RB1: variants seen among roughly 807,000 people sequenced by gnomAD.
RB1 encodes RB transcriptional corepressor 1.
In RB1, 18 loss-of-function variants were observed where a neutral mutation model predicts 135.4. That is an observed-to-expected ratio of 0.13 (90% CI 0.09 to 0.20). The LOEUF is 0.20. RB1 is among the 10% of genes least tolerant of loss of function. The pLI is 1.00. For missense variants in RB1, 868 were observed against 1,110.0 expected (o/e 0.78, Z 3.10); for synonymous variants, 365 against 373.2 (o/e 0.98, Z 0.25).
At chr13:48,367,690 C>A in intron 10 of RB1, 87 bp downstream of exon 10, 1 of 1,428,868 alleles carries the variant, frequency 7.0e-7, no homozygotes, top group Non-Finnish European at 9.5e-7. Flanking sequence ...AGCTTAGTGA[C>A]CTTTAGATAT....
At chr13:48,416,959 C>A (rs953458269) in intron 17 of RB1, among the ~76,000 whole-genome samples, 1 of 152,196 alleles carries the variant, frequency 6.6e-6, no homozygotes, top group Non-Finnish European at 1.5e-5. Context: ...TGGGACAGAG[C>A]ACCTGGGGGA....
intron 17 of RB1, among the ~76,000 whole-genome samples, chr13:48,386,306 C>T (rs1948571364): frequency 6.6e-6 from 1 of 151,870 alleles, no homozygotes; most frequent in South Asian, 2.1e-4. Context: ...GGTGGTATAG[C>T]CTGCTACACA....
chr13:48,342,602 G>C lies in RB1; in HGVS notation c.268G>C (p.Gly90Arg), dbSNP rs751925851. 6.4e-7 allele frequency: 1 copy of C among 1,573,222 alleles called. No homozygotes were observed. The highest frequency in any genetic ancestry group is 1.1e-5 in the South Asian group (1 of 90,218). ...KVSSVDGVLG[G>R]YIQKKKELWG... Reference sequence around the variant, plus strand: ...GATCTTTATTTTTTGTTCCCAGGGAGGTTATATTCAAAAGAAAAAGGAACT... The same window carrying C: ...GATCTTTATTTTTTGTTCCCAGGGACGTTATATTCAAAAGAAAAAGGAACT... Residue 90 changes from glycine (G) to arginine (R), a missense_variant, in exon 3 of 27, where the codon GGT (glycine) becomes CGT (arginine). Coordinates refer to ENST00000267163, the MANE Select transcript of RB1 (RefSeq NM_000321.3).
intron 17 of RB1, chr13:48,429,619 G>T (rs115095169): frequency 6.6e-6 from 1 of 151,406 alleles, no homozygotes; most frequent in Admixed American, 6.6e-5. Flanking sequence ...TTGACCTTAC[G>T]TAAAGAGATT....
At chr13:48,463,619 C>T (rs1392284598) in intron 20 of RB1, 112 bp from the exon 21 acceptor site, 1 of 726,672 alleles carries the variant, frequency 1.4e-6, no homozygotes, top group Non-Finnish European at 2.5e-6. Flanking sequence ...AAAGAAATAA[C>T]TCTGTAGATT....
chr13:48,306,431 A>C lies in RB1; in HGVS notation c.138-849A>C, dbSNP rs184160818. Reference sequence around the variant, plus strand: ...AAACAAGAAAAAAAAACAAAAACTAATTATGTTTTGAAGGAGGAATTGGCA... The same window carrying C: ...AAACAAGAAAAAAAAACAAAAACTACTTATGTTTTGAAGGAGGAATTGGCA... On this transcript the variant is annotated intron_variant, in intron 1 of 26. Coordinates refer to ENST00000267163, the MANE Select transcript of RB1 (RefSeq NM_000321.3). 2.0e-5 allele frequency among the ~76,000 whole-genome samples: 3 copies of C among 152,268 alleles called. No individual in the cohort carries two copies. The East Asian group carries it at 5.8e-4, about 29-fold the overall frequency.
At chr13:48,447,878 T>C (rs1477571943) in intron 17 of RB1, among the ~76,000 whole-genome samples, 1 of 152,220 alleles carries the variant, frequency 6.6e-6, no homozygotes, top group Non-Finnish European at 1.5e-5. Flanking sequence ...AAATGCCACC[T>C]TAATCCTTGG....
At chr13:48,442,621 T>C (rs1015676273) in intron 17 of RB1, among the ~76,000 whole-genome samples, 2 of 152,158 alleles carry the variant, frequency 1.3e-5, no homozygotes, top group Non-Finnish European at 2.9e-5. Context: ...AAGATAGTAA[T>C]GATGGGTGAG....
rs4151630 is a variant in RB1 at position 48,480,255 on chromosome 13, A to T, written c.*184A>T. On this transcript the variant is annotated 3_prime_UTR_variant, in exon 27 of 27. Transcript: ENST00000267163. ...TCCTAAGCCACTTGAAATGTTAGTCATTGTTATTTATACAAGATTGAAAAT... is the reference window on the plus strand; with the variant it reads ...TCCTAAGCCACTTGAAATGTTAGTCTTTGTTATTTATACAAGATTGAAAAT... 2.9e-3 allele frequency: 1,732 copies of T among 604,352 alleles called. 19 individuals carry two copies. In the African/African-American group the frequency reaches 0.029, roughly 10 times the overall value. 37.4% of individuals were successfully genotyped at this position (604,352 alleles called of 1,614,324 possible). A position where few individuals can be genotyped will look rare whatever the true frequency, so the allele number is the denominator to read the frequency against.
intron 2 of RB1, chr13:48,318,750 G>T: frequency 9.0e-6 from 6 of 665,832 alleles, no homozygotes; most frequent in South Asian, 4.8e-5. Context: ...AGAGAGGGGG[G>T]CCTTGGGGCC....
Position 48,362,970 on chromosome 13 carries a change from C to A in RB1, c.861+13C>A. 1.2e-6 allele frequency: 2 copies of A among 1,609,086 alleles called. No homozygotes were observed. The highest frequency in any genetic ancestry group is 2.2e-5 in the East Asian group (1 of 44,706). On this transcript the variant is annotated intron_variant, in intron 8 of 26. Coordinates refer to ENST00000267163, the MANE Select transcript of RB1 (RefSeq NM_000321.3). ...TAATATAGATGAGGTAATTTAACTT[C>A]ATGATTTCTTTAAAACAGTTAAAGT...
chr13:48,381,701 A>AT (rs200594775), intron 17 of RB1, among the ~76,000 whole-genome samples: 22 of 149,790 alleles, frequency 1.5e-4, no homozygotes, highest in Admixed American at 6.7e-4. Flanking sequence ...AACAAAACGG[A>AT]TTTTTTTTTT....
At chr13:48,364,445 ATTTTC>A (rs1745643803) in intron 8 of RB1, among the ~76,000 whole-genome samples, 2 of 152,272 alleles carry the variant, frequency 1.3e-5, no homozygotes, top group African/African-American at 4.8e-5. Flanking sequence ...TTTTCCTAAT[ATTTTC>A]TTTTCTCTAT....
intron 2 of RB1, chr13:48,328,295 AAG>A (rs1952304893): frequency 6.3e-7 from 1 of 1,591,418 alleles, no homozygotes; most frequent in Admixed American, 1.7e-5. Flanking sequence ...CTGCTACTGA[AAG>A]AGTTTTTGGA....
At chr13:48,351,513 AT>A (rs146019043) in intron 6 of RB1, among the ~76,000 whole-genome samples, 4,581 of 151,312 alleles carry the variant, frequency 0.03, 225 homozygotes, top group African/African-American at 0.1. Flanking sequence ...AGTTTGCAAA[AT>A]TTTTCCCCAT....
intron 1 of RB1, among the ~76,000 whole-genome samples, chr13:48,305,706 C>G (rs1030076245): frequency 6.6e-6 from 1 of 152,002 alleles, no homozygotes; most frequent in Non-Finnish European, 1.5e-5. Flanking sequence ...TTATCCATAC[C>G]CACAAAGGGT....
chr13:48,358,274 T>C (rs1476451968), intron 6 of RB1, among the ~76,000 whole-genome samples: 2 of 152,162 alleles, frequency 1.3e-5, no homozygotes, highest in Non-Finnish European at 2.9e-5. Context: ...TTTTTGATTT[T>C]CTATGTTTAC....
chr13:48,391,853 G>A lies in RB1; in HGVS notation c.1695+10410G>A, dbSNP rs149313609. On this transcript the variant is annotated intron_variant, in intron 17 of 26. Transcript: ENST00000267163. ...AGGCTGGTCTCGAACTCCTGACCTC[G>A]TGATTTGCCTGCCTCGGCCTCCTCC... Among the ~76,000 whole-genome samples the A allele has an allele frequency of 8.6e-3, 1,304 of 151,682 alleles. 17 individuals carry two copies. Among genetic ancestry groups the A allele is most frequent in the African/African-American group, 0.023 (944 of 41,388 alleles).
chr13:48,306,080 G>A (rs759370449), intron 1 of RB1, among the ~76,000 whole-genome samples: 10 of 151,794 alleles, frequency 6.6e-5, no homozygotes, highest in Non-Finnish European at 8.8e-5. Context: ...GGCCAGCCTG[G>A]GCAACAAAGC....
Sources: allele counts gnomAD v4.1 joint callset (sites outside exome capture counted in the v4.1 genomes callset), GRCh38; gene constraint gnomAD v4.1.1; transcripts MANE v1.5; gene names NCBI Gene and HGNC (gene_info 2026-07-23, HGNC 2026-07-21).